Variants in PPP2R2C observed in about 807,000 individuals in gnomAD.
The protein encoded by PPP2R2C is protein phosphatase 2 regulatory subunit Bgamma.
A neutral mutation model predicts 45.3 loss-of-function variants in PPP2R2C; 10 were observed. The ratio of observed to expected loss-of-function variants is 0.22; its 90% confidence interval spans 0.14 to 0.37. PPP2R2C has a LOEUF of 0.37. PPP2R2C is among the 10% of genes least tolerant of loss of function. PPP2R2C has a pLI of 1.00. For synonymous variants in PPP2R2C, 257 were observed against 245.4 expected, an observed-to-expected ratio of 1.05 and a Z score of -0.44; for missense variants, 308 against 619.7, an observed-to-expected ratio of 0.50 and a Z score of 5.34.
intron 6 of PPP2R2C, among the ~76,000 whole-genome samples, chr4:6,338,193 T>TGG (rs1347529317): frequency 6.6e-6 from 1 of 152,206 alleles, no homozygotes; most frequent in African/African-American, 2.4e-5. Context: ...TCACTTGTGA[T>TGG]GGGCCCAGTC....
At chr4:6,349,136 C>T (rs1712293761) in intron 5 of PPP2R2C, 5 of 985,254 alleles carry the variant, frequency 5.1e-6, no homozygotes, top group South Asian at 4.7e-5. Flanking sequence ...GCTTCAGATC[C>T]CACCCATCAC....
chr4:6,538,644 C>T (rs1026699535), intron 1 of PPP2R2C, among the ~76,000 whole-genome samples: 3 of 152,226 alleles, frequency 2.0e-5, no homozygotes, highest in Admixed American at 2.0e-4. Flanking sequence ...AGCAGATGTT[C>T]CCTTGGCCAA....
intron 2 of PPP2R2C, among the ~76,000 whole-genome samples, chr4:6,534,151 TACAC>T (rs1411483061): frequency 2.3e-5 from 3 of 132,316 alleles, no homozygotes; most frequent in Non-Finnish European, 3.2e-5. Flanking sequence ...CACACCAACA[TACAC>T]ACACCAACAC....
intron 2 of PPP2R2C, among the ~76,000 whole-genome samples, chr4:6,480,757 TC>T (rs778051294): frequency 1.3e-5 from 2 of 152,204 alleles, no homozygotes; most frequent in Non-Finnish European, 1.5e-5. Flanking sequence ...ATATTTAACT[TC>T]CTACTCATTG....
chr4:6,338,374 T>G (rs1429417492), intron 6 of PPP2R2C, among the ~76,000 whole-genome samples: 1 of 152,174 alleles, frequency 6.6e-6, no homozygotes, highest in African/African-American at 2.4e-5. Context: ...TTGCACGGTG[T>G]TGTGGCCACA....
At chr4:6,485,761 G>A (rs1425623193) in intron 2 of PPP2R2C, among the ~76,000 whole-genome samples, 2 of 151,748 alleles carry the variant, frequency 1.3e-5, no homozygotes, top group South Asian at 4.2e-4. Flanking sequence ...CTCTCTTATT[G>A]TCCTGGTCAG....
chr4:6,523,080 G>A (rs1288848946), intron 2 of PPP2R2C, among the ~76,000 whole-genome samples: 2 of 152,222 alleles, frequency 1.3e-5, no homozygotes, highest in Non-Finnish European at 2.9e-5. Flanking sequence ...TCCAAGTGCG[G>A]TTCCAGGGCC....
chr4:6,500,870 A>T (rs1293206711), intron 2 of PPP2R2C, among the ~76,000 whole-genome samples: 1 of 152,254 alleles, frequency 6.6e-6, no homozygotes, highest in Non-Finnish European at 1.5e-5. Flanking sequence ...GTTCATGATA[A>T]TAAAAGCTGA....
At chr4:6,326,717 G>A (rs545356840) in intron 8 of PPP2R2C, among the ~76,000 whole-genome samples, 142 of 152,312 alleles carry the variant, frequency 9.3e-4, no homozygotes, top group African/African-American at 3.0e-3. Context: ...ACACGGTGGC[G>A]AGGGTAGAAT....
chr4:6,326,432 C>G (rs952754667), intron 8 of PPP2R2C, among the ~76,000 whole-genome samples: 1 of 152,166 alleles, frequency 6.6e-6, no homozygotes, highest in Non-Finnish European at 1.5e-5. Flanking sequence ...GCACAAATCT[C>G]TCCCCCCAGG....
chr4:6,429,161 G>A (rs1019389572), intron 1 of PPP2R2C, among the ~76,000 whole-genome samples: 4 of 152,234 alleles, frequency 2.6e-5, no homozygotes, highest in African/African-American at 9.6e-5. Flanking sequence ...CAGGCACTGG[G>A]CCAAGTTTTG....
intron 5 of PPP2R2C, among the ~76,000 whole-genome samples, chr4:6,358,116 T>C (rs1052557008): frequency 6.6e-6 from 1 of 152,152 alleles, no homozygotes; most frequent in Non-Finnish European, 1.5e-5. Context: ...CAAAACAGCA[T>C]GGTACTGGTA....
intron 1 of PPP2R2C, among the ~76,000 whole-genome samples, chr4:6,459,762 G>A (rs1170133850): frequency 6.6e-6 from 1 of 152,020 alleles, no homozygotes; most frequent in Non-Finnish European, 1.5e-5. Context: ...ACTCCAGCCT[G>A]ACCAACAGAG....
At chr4:6,408,009 C>G (rs1296939782) in intron 1 of PPP2R2C, among the ~76,000 whole-genome samples, 1 of 152,130 alleles carries the variant, frequency 6.6e-6, no homozygotes, top group East Asian at 1.9e-4. Context: ...ACAGTTTATA[C>G]TATTTTGGAT....
At chr4:6,530,215 G>A (rs564781425) in intron 2 of PPP2R2C, among the ~76,000 whole-genome samples, 6 of 152,104 alleles carry the variant, frequency 3.9e-5, no homozygotes, top group Non-Finnish European at 8.8e-5. Context: ...GGTACACACC[G>A]TGAAAAAGCA....
intron 1 of PPP2R2C, among the ~76,000 whole-genome samples, chr4:6,406,100 A>G (rs1717779160): frequency 6.6e-6 from 1 of 152,214 alleles, no homozygotes; most frequent in Non-Finnish European, 1.5e-5. Context: ...CCCTATTCGG[A>G]GCACGTTACA....
At chr4:6,437,036 G>A (rs988477466) in intron 1 of PPP2R2C, among the ~76,000 whole-genome samples, 2 of 152,198 alleles carry the variant, frequency 1.3e-5, no homozygotes, top group African/African-American at 4.8e-5. Flanking sequence ...TCCAGAAATT[G>A]TAAGAGCTGT....
intron 6 of PPP2R2C, among the ~76,000 whole-genome samples, chr4:6,341,216 G>A (rs1733417504): frequency 6.6e-6 from 1 of 152,106 alleles, no homozygotes; most frequent in Non-Finnish European, 1.5e-5. Flanking sequence ...GCCGGCACCT[G>A]CAATCCCATC....
intron 2 of PPP2R2C, among the ~76,000 whole-genome samples, chr4:6,501,112 T>C (rs1258366406): frequency 6.6e-6 from 1 of 152,242 alleles, no homozygotes; most frequent in Non-Finnish European, 1.5e-5. Context: ...AATTATTCAG[T>C]GATCTGGGAT....
Sources: gnomAD v4.1 joint callset for allele counts (sites outside exome capture counted in the v4.1 genomes callset) on GRCh38, gnomAD v4.1.1 for gene constraint, MANE v1.5 for transcripts, NCBI Gene and HGNC (gene_info 2026-07-23, HGNC 2026-07-21) for gene names.